The following CMKLR1 variants were observed in gnomAD, a reference collection of about 807,000 sequenced individuals.
CMKLR1 encodes chemerin-like receptor 1.
Under a neutral mutation model 8.2 loss-of-function variants are expected in CMKLR1, and 6 were observed. That is an observed-to-expected ratio of 0.73 (90% CI 0.40 to 1.44). CMKLR1 has a LOEUF of 1.44. CMKLR1 is among the 40% of genes most tolerant of loss of function. CMKLR1 has a pLI of 0.02. For synonymous variants in CMKLR1, 178 were observed against 181.2 expected, an observed-to-expected ratio of 0.98 and a Z score of 0.14; for missense variants, 429 against 478.0, an observed-to-expected ratio of 0.90 and a Z score of 0.96.
intron 2 of CMKLR1, among the ~76,000 whole-genome samples, chr12:108,324,406 T>A (rs1891934904): frequency 6.6e-6 from 1 of 152,068 alleles, no homozygotes; most frequent in Admixed American, 6.5e-5. Context: ...CCCTCCAATA[T>A]ACAATGGAGA....
At position 108,290,814 on chromosome 12, in the gene CMKLR1, G is replaced by C. The variant is rs1012570246; in HGVS notation, c.*1027C>G. 6.6e-6 allele frequency: 1 copy of C among 152,194 alleles called. No homozygotes were observed. The highest frequency in any genetic ancestry group is 1.5e-5 in the Non-Finnish European group (1 of 68,060). 9.4% of individuals were successfully genotyped at this position (152,194 alleles called of 1,614,324 possible). ...CTCGGACATACTCTTCTTCCCAGGG[G>C]ACTCTCCGGAGTTGCTTCCCAAAGC... On this transcript the variant is annotated 3_prime_UTR_variant, in exon 4 of 4. Coordinates refer to ENST00000550402, the MANE Select transcript of CMKLR1 (RefSeq NM_001142343.2).
chr12:108,324,571 A>G (rs114629162), intron 2 of CMKLR1, among the ~76,000 whole-genome samples: 1,885 of 152,300 alleles, frequency 0.012, 40 homozygotes, highest in African/African-American at 0.042. Flanking sequence ...AAAGACTTCC[A>G]AGGGGCTCCA....
intron 2 of CMKLR1, among the ~76,000 whole-genome samples, chr12:108,323,390 G>A (rs1181730633): frequency 6.6e-6 from 1 of 151,828 alleles, no homozygotes; most frequent in African/African-American, 2.4e-5. Flanking sequence ...TCTGCAGACT[G>A]GTAAAAATGT....
rs140591999 is a variant in CMKLR1 at position 108,333,550 on chromosome 12, C to T, written c.-286-3343G>A. Among the ~76,000 whole-genome samples, 11 of 152,338 alleles carry T rather than the reference C, an allele frequency of 7.2e-5. No homozygotes were observed. In the East Asian group the frequency reaches 9.6e-4, roughly 13 times the overall value. ...AGAAATGCCTTCACTGAACTGACCA[C>T]GTGCTGTACTCAGTGCTTGATGGAT... On this transcript the variant is annotated intron_variant, in intron 1 of 3. Coordinates refer to ENST00000550402, the MANE Select transcript of CMKLR1 (RefSeq NM_001142343.2).
chr12:108,315,028 C>T (rs1891686328), intron 2 of CMKLR1, among the ~76,000 whole-genome samples: 1 of 151,118 alleles, frequency 6.6e-6, no homozygotes, highest in South Asian at 2.1e-4. Flanking sequence ...ATATCCACCT[C>T]CCAGGTTCAA....
At chr12:108,325,910 C>T (rs188427489) in intron 2 of CMKLR1, among the ~76,000 whole-genome samples, 1 of 152,292 alleles carries the variant, frequency 6.6e-6, no homozygotes, top group African/African-American at 2.4e-5. Flanking sequence ...GCAAGGACCC[C>T]AGGCTCCTCA....
intron 1 of CMKLR1, among the ~76,000 whole-genome samples, chr12:108,335,930 G>T (rs562059390): frequency 6.6e-6 from 1 of 152,206 alleles, no homozygotes; most frequent in Admixed American, 6.5e-5. Flanking sequence ...TTGCTAACAC[G>T]ATCTGACTTT....
chr12:108,328,819 C>A (rs1300341630), intron 2 of CMKLR1, among the ~76,000 whole-genome samples: 1 of 152,216 alleles, frequency 6.6e-6, no homozygotes, highest in Admixed American at 6.5e-5. Flanking sequence ...GCCAAGTCTG[C>A]CTCTCTCCAG....
At position 108,289,822 on chromosome 12, in the gene CMKLR1, C is replaced by G. The variant is rs965650532; in HGVS notation, c.*2019G>C. 6.6e-5 allele frequency: 10 copies of G among 152,284 alleles called. No homozygotes were observed. The highest frequency in any genetic ancestry group is 5.9e-4 in the Admixed American group (9 of 15,292). The allele number at this position is 152,284 out of a possible 1,614,324, so 9.4% of individuals were successfully genotyped here. On this transcript the variant is annotated 3_prime_UTR_variant, in exon 4 of 4. Coordinates refer to ENST00000550402, the MANE Select transcript of CMKLR1 (RefSeq NM_001142343.2). Reference sequence around the variant, plus strand: ...CATTAAGGCACAATAAGGGAAGGAACAGTTTGTCTCTTAATGAAGTGTGAT... The same window carrying G: ...CATTAAGGCACAATAAGGGAAGGAAGAGTTTGTCTCTTAATGAAGTGTGAT...
At chr12:108,334,262 C>T (rs142305692) in intron 1 of CMKLR1, among the ~76,000 whole-genome samples, 2 of 152,254 alleles carry the variant, frequency 1.3e-5, no homozygotes, top group Non-Finnish European at 2.9e-5. Context: ...TGTCTCTCCT[C>T]CCCTGAGGGC....
At chr12:108,313,165 C>G (rs766516901) in intron 2 of CMKLR1, among the ~76,000 whole-genome samples, 39 of 152,248 alleles carry the variant, frequency 2.6e-4, no homozygotes, top group Middle Eastern at 6.8e-3. Flanking sequence ...GAGGGGCAGG[C>G]TGCCCTTCCT....
chr12:108,298,146 T>G (rs1043312535), intron 2 of CMKLR1, among the ~76,000 whole-genome samples: 2 of 152,250 alleles, frequency 1.3e-5, no homozygotes, highest in African/African-American at 2.4e-5. Flanking sequence ...GAGTCATGTT[T>G]GTTGGTCAAA....
intron 2 of CMKLR1, among the ~76,000 whole-genome samples, chr12:108,321,030 C>A (rs1891849749): frequency 6.6e-6 from 1 of 152,254 alleles, no homozygotes; most frequent in Non-Finnish European, 1.5e-5. Flanking sequence ...GCCCTCTCCT[C>A]CTAAGAATTG....
chr12:108,303,951 G>A (rs112756988), intron 2 of CMKLR1, among the ~76,000 whole-genome samples: 224 of 152,300 alleles, frequency 1.5e-3, no homozygotes, highest in African/African-American at 4.7e-3. Flanking sequence ...GCAGCACACC[G>A]TGGGTGAGAG....
At chr12:108,313,070 A>G (rs919321546) in intron 2 of CMKLR1, among the ~76,000 whole-genome samples, 9 of 152,096 alleles carry the variant, frequency 5.9e-5, no homozygotes, top group Non-Finnish European at 1.2e-4. Flanking sequence ...CTCCAGCCCA[A>G]GCAGCTGACA....
intron 1 of CMKLR1, among the ~76,000 whole-genome samples, chr12:108,334,966 G>T (rs1354372428): frequency 6.6e-6 from 1 of 152,126 alleles, no homozygotes; most frequent in African/African-American, 2.4e-5. Flanking sequence ...AGTTGCCTAT[G>T]TTTCAGAAAA....
chr12:108,294,639 T>C (rs1891082203), intron 2 of CMKLR1, among the ~76,000 whole-genome samples: 1 of 152,182 alleles, frequency 6.6e-6, no homozygotes, highest in Non-Finnish European at 1.5e-5. Context: ...TATTGGCACA[T>C]AGTAAGCCCT....
At chr12:108,297,266 G>T (rs1306428844) in intron 2 of CMKLR1, among the ~76,000 whole-genome samples, 1 of 152,098 alleles carries the variant, frequency 6.6e-6, no homozygotes, top group East Asian at 1.9e-4. Flanking sequence ...TCTTCCTTAT[G>T]ATTTTCTTAA....
In CMKLR1 at chr12:108,323,867, C is replaced by G. The variant is rs377738764; in HGVS notation, c.-74+6128G>C. Among the ~76,000 whole-genome samples the G allele has an allele frequency of 1.9e-4, 29 of 152,290 alleles. 1 individual carries two copies. The highest frequency in any genetic ancestry group is 6.0e-4 in the African/African-American group (25 of 41,564). ...GCCACACAGACAGTGGCACAGGGGCCAAGGGAAGGGAACTGGCAACAGCTA... is the reference window on the plus strand; with the variant it reads ...GCCACACAGACAGTGGCACAGGGGCGAAGGGAAGGGAACTGGCAACAGCTA... On this transcript the variant is annotated intron_variant, in intron 2 of 3. Coordinates refer to ENST00000550402, the MANE Select transcript of CMKLR1 (RefSeq NM_001142343.2).
Sources: gnomAD v4.1 joint callset for allele counts (sites outside exome capture counted in the v4.1 genomes callset) on GRCh38, gnomAD v4.1.1 for gene constraint, MANE v1.5 for transcripts, NCBI Gene and HGNC (gene_info 2026-07-23, HGNC 2026-07-21) for gene names.